PTPRD: variants seen among roughly 807,000 people sequenced by gnomAD.
PTPRD encodes the protein receptor-type tyrosine-protein phosphatase delta.
PTPRD carries 34 observed loss-of-function variants against 214.5 expected under a neutral mutation model. The observed-to-expected ratio is 0.16, with a 90% CI of 0.12 to 0.21. PTPRD has a LOEUF of 0.21. Ranked by LOEUF, PTPRD falls within the 10% of genes least tolerant of loss-of-function variation. PTPRD has a pLI of 1.00. For synonymous variants in PTPRD, 1,128 were observed against 845.7 expected, an observed-to-expected ratio of 1.33 and a Z score of -5.79; for missense variants, 2,545 against 2,398.7, an observed-to-expected ratio of 1.06 and a Z score of -1.27.
intron 2 of PTPRD, among the ~76,000 whole-genome samples, chr9:10,364,889 T>A (rs1396335831): frequency 6.6e-6 from 1 of 152,224 alleles, no homozygotes; most frequent in East Asian, 1.9e-4. Context: ...CATCCCCACT[T>A]AACGCTGTAC....
At chr9:8,499,590 A>G (rs2136788495) in intron 25 of PTPRD, 57 bp downstream of exon 25, 1 of 1,532,394 alleles carries the variant, frequency 6.5e-7, no homozygotes, top group Non-Finnish European at 8.8e-7. Context: ...ATTTCAGGAT[A>G]TGAACTAAGA....
chr9:8,947,350 C>A (rs1045866606), intron 11 of PTPRD, among the ~76,000 whole-genome samples: 2 of 150,712 alleles, frequency 1.3e-5, no homozygotes, highest in African/African-American at 4.9e-5. Context: ...GTAGTCCCAG[C>A]TATTCGGGAG....
intron 35 of PTPRD, among the ~76,000 whole-genome samples, chr9:8,419,269 A>T (rs536384343): frequency 6.6e-6 from 1 of 151,602 alleles, no homozygotes; most frequent in East Asian, 1.9e-4. Flanking sequence ...AAACAATATT[A>T]TTAATCAAGC....
intron 5 of PTPRD, among the ~76,000 whole-genome samples, chr9:9,880,158 T>A (rs2068196256): frequency 6.6e-6 from 1 of 152,112 alleles, no homozygotes; most frequent in Admixed American, 6.6e-5. Context: ...GGTTAAGTGT[T>A]CTCACTTTGT....
chr9:9,824,055 G>C (rs1322500798), intron 5 of PTPRD, among the ~76,000 whole-genome samples: 1 of 151,812 alleles, frequency 6.6e-6, no homozygotes, highest in Admixed American at 6.6e-5. Flanking sequence ...TTAGTTTCAT[G>C]CACAAAATTA....
chr9:9,259,263 G>A (rs2099979061), intron 9 of PTPRD, among the ~76,000 whole-genome samples: 3 of 151,884 alleles, frequency 2.0e-5, no homozygotes, highest in African/African-American at 7.2e-5. Context: ...AGCTATGTGA[G>A]AAAGAGAAAG....
intron 8 of PTPRD, among the ~76,000 whole-genome samples, chr9:9,513,832 A>T (rs1204904217): frequency 6.6e-6 from 1 of 152,142 alleles, no homozygotes; most frequent in South Asian, 2.1e-4. Context: ...TAGGAATCAA[A>T]TATCACCTGC....
intron 11 of PTPRD, among the ~76,000 whole-genome samples, chr9:8,791,205 G>C (rs964455453): frequency 1.3e-5 from 2 of 151,926 alleles, no homozygotes; most frequent in African/African-American, 4.8e-5. Context: ...CAATGCAGAG[G>C]AGAAGACAAT....
At chr9:10,272,855 A>C (rs1020207192) in intron 3 of PTPRD, among the ~76,000 whole-genome samples, 2 of 152,212 alleles carry the variant, frequency 1.3e-5, no homozygotes, top group Admixed American at 1.3e-4. Flanking sequence ...CACATGTGTG[A>C]ATTTTTGAAG....
intron 5 of PTPRD, among the ~76,000 whole-genome samples, chr9:9,931,611 G>A (rs2086610573): frequency 6.6e-6 from 1 of 151,954 alleles, no homozygotes; most frequent in Non-Finnish European, 1.5e-5. Context: ...TAGCACAGCA[G>A]TCTGAGATCA....
At chr9:9,601,218 T>C (rs372881502) in intron 7 of PTPRD, among the ~76,000 whole-genome samples, 7 of 151,622 alleles carry the variant, frequency 4.6e-5, no homozygotes, top group African/African-American at 1.7e-4. Flanking sequence ...TAACTTGCTA[T>C]AATATTTGAG....
At chr9:8,956,526 T>G (rs1007802188) in intron 11 of PTPRD, among the ~76,000 whole-genome samples, 1 of 151,744 alleles carries the variant, frequency 6.6e-6, no homozygotes, top group Non-Finnish European at 1.5e-5. Flanking sequence ...TTCTGTAAGT[T>G]TAGAATACAG....
intron 3 of PTPRD, among the ~76,000 whole-genome samples, chr9:10,251,083 T>C (rs1347050578): frequency 6.6e-6 from 1 of 152,090 alleles, no homozygotes; most frequent in Admixed American, 6.6e-5. Context: ...AAGTTTAGTA[T>C]TGTCCATATA....
At chr9:8,970,183 A>C (rs2099228294) in intron 11 of PTPRD, among the ~76,000 whole-genome samples, 1 of 151,996 alleles carries the variant, frequency 6.6e-6, no homozygotes, top group Non-Finnish European at 1.5e-5. Flanking sequence ...AAATTTGAGC[A>C]TGAGTGTTCT....
At chr9:10,279,085 A>G (rs2154391471) in intron 3 of PTPRD, among the ~76,000 whole-genome samples, 1 of 152,014 alleles carries the variant, frequency 6.6e-6, no homozygotes, top group African/African-American at 2.4e-5. Flanking sequence ...CATGTATGGT[A>G]AAAGTTTTTA....
intron 2 of PTPRD, among the ~76,000 whole-genome samples, chr9:10,528,195 G>C (rs937768803): frequency 2.0e-5 from 3 of 152,076 alleles, no homozygotes; most frequent in African/African-American, 7.2e-5. Flanking sequence ...TTCTCATCAT[G>C]AGGCCACAGA....
At chr9:9,660,885 C>T (rs540314729) in intron 7 of PTPRD, among the ~76,000 whole-genome samples, 39 of 152,036 alleles carry the variant, frequency 2.6e-4, no homozygotes, top group African/African-American at 9.4e-4. Context: ...GCTACGCTGC[C>T]ACCAATGCCA....
chr9:8,978,179 G>T (rs1194887496), intron 11 of PTPRD, among the ~76,000 whole-genome samples: 1 of 152,052 alleles, frequency 6.6e-6, no homozygotes, highest in Non-Finnish European at 1.5e-5. Context: ...GGAGGTCCTT[G>T]CCATTCCCAC....
At chr9:9,352,711 G>C (rs1810752655) in intron 9 of PTPRD, among the ~76,000 whole-genome samples, 1 of 151,920 alleles carries the variant, frequency 6.6e-6, no homozygotes, top group African/African-American at 2.4e-5. Context: ...TATGAATTAT[G>C]TCTACATAGT....
Sources: gnomAD v4.1 joint callset for allele counts (sites outside exome capture counted in the v4.1 genomes callset) on GRCh38, gnomAD v4.1.1 for gene constraint, MANE v1.5 for transcripts, NCBI Gene and HGNC (gene_info 2026-07-23, HGNC 2026-07-21) for gene names.